CCNC: variants seen among roughly 807,000 people sequenced by gnomAD.
The protein encoded by CCNC is cyclin-C.
A neutral mutation model predicts 50.0 loss-of-function variants in CCNC; 19 were observed. The observed-to-expected ratio is 0.38, with a 90% confidence interval of 0.27 to 0.56. The LOEUF (loss-of-function observed/expected upper bound fraction) is 0.56. CCNC is among the 20% of genes least tolerant of loss of function. The probability of loss-of-function intolerance (pLI) is 0.72; values close to 1 mark genes in which losing one functional copy is unlikely to be tolerated. For synonymous variants in CCNC, 93 were observed against 103.7 expected, an observed-to-expected ratio of 0.90 and a Z score of 0.63; for missense variants, 200 against 327.1, an observed-to-expected ratio of 0.61 and a Z score of 3.00.
intron 11 of CCNC, chr6:99,544,159 A>G (rs1801982240): frequency 6.7e-7 from 1 of 1,501,240 alleles, no homozygotes; most frequent in Admixed American, 2.2e-5. Flanking sequence ...ATACTTAAAA[A>G]TAACTAAAAC....
intron 5 of CCNC, among the ~76,000 whole-genome samples, chr6:99,554,840 G>A (rs1583578569): frequency 6.6e-6 from 1 of 152,170 alleles, no homozygotes; most frequent in East Asian, 1.9e-4. Context: ...TGAGCTCATT[G>A]CTACTGGGAT....
chr6:99,549,377 C>G, intron 9 of CCNC, 131 bp downstream of exon 9: 1 of 705,258 alleles, frequency 1.4e-6, no homozygotes, highest in Non-Finnish European at 2.6e-6. Flanking sequence ...ATTGAAAGCT[C>G]ACATGCAAGG....
intron 5 of CCNC, among the ~76,000 whole-genome samples, chr6:99,554,654 T>C (rs777241867): frequency 2.0e-5 from 3 of 152,248 alleles, no homozygotes; most frequent in East Asian, 1.9e-4. Context: ...TCCTCATCAA[T>C]AGACGTTTTT....
intron 5 of CCNC, among the ~76,000 whole-genome samples, chr6:99,556,301 T>TA (rs1424845281): frequency 2.0e-5 from 3 of 152,238 alleles, no homozygotes; most frequent in Admixed American, 6.5e-5. Context: ...CTATCTTTAT[T>TA]AATTTGACTA....
intron 1 of CCNC, among the ~76,000 whole-genome samples, chr6:99,564,601 A>G (rs1769037358): frequency 6.6e-6 from 1 of 151,986 alleles, no homozygotes; most frequent in Non-Finnish European, 1.5e-5. Context: ...GTTAATTCTA[A>G]TATGACCATT....
chr6:99,562,496 T>C, intron 2 of CCNC: 1 of 170,536 alleles, frequency 5.9e-6, no homozygotes, highest in Non-Finnish European at 1.2e-5. Flanking sequence ...AAAGCAAAGT[T>C]CTAAGAGAAA....
intron 9 of CCNC, among the ~76,000 whole-genome samples, chr6:99,547,311 A>T (rs966544851): frequency 3.9e-5 from 6 of 152,190 alleles, no homozygotes; most frequent in Non-Finnish European, 8.8e-5. Context: ...AGGTTAAAAA[A>T]AACCAAATGA....
At chr6:99,558,605 CTA>C (rs950031452) in intron 4 of CCNC, 57 bp from the exon 5 acceptor site, 8 of 1,477,836 alleles carry the variant, frequency 5.4e-6, no homozygotes, top group Non-Finnish European at 7.3e-6. Flanking sequence ...TATCTGAACT[CTA>C]TTCAAAACAG....
chr6:99,546,457 A>G lies in CCNC; in HGVS notation c.616T>C (p.Cys206Arg), dbSNP rs1478905490. Residue 206 changes from cysteine (C) to arginine (R), a missense_variant, in exon 10 of 12, where the codon TGT becomes CGT. Cys to Arg is a radical substitution (Grantham distance 180, BLOSUM62 -3). Coordinates refer to ENST00000520429, the MANE Select transcript of CCNC (RefSeq NM_005190.4). The part of the protein sequence containing the change: ...MIALACLHVA[C>R]VVQQKDARQW... ...CTGGCATCTTTCTGCTGTACAACAC[A>G]GGCTACATGTAGGCAAGCTGAAATG... The G allele has an allele frequency of 1.2e-6, 2 of 1,612,460 alleles. No homozygotes were observed. The highest frequency in any genetic ancestry group is 1.7e-6 in the Non-Finnish European group (2 of 1,178,684).
chr6:99,568,404 G>T, intron 1 of CCNC, 92 bp downstream of exon 1: 1 of 1,290,834 alleles, frequency 7.7e-7, no homozygotes, highest in Non-Finnish European at 1.1e-6. Flanking sequence ...ACTCGGAACT[G>T]AGCTGGGATC....
At chr6:99,550,800 A>G in intron 7 of CCNC, 193 bp downstream of exon 7, 2 of 296,082 alleles carry the variant, frequency 6.8e-6, no homozygotes, top group Non-Finnish European at 1.3e-5. Context: ...CATCCTAAGT[A>G]GGATATACAA....
At position 99,551,838 on chromosome 6, in the gene CCNC, AC is replaced by A. The variant is rs779955958; in HGVS notation, c.402+1del. On this transcript the variant is annotated splice_donor_variant, in intron 6 of 11. Transcript: ENST00000520429. LOFTEE classifies it high-confidence loss of function. ...TTGTTCCATTTTATATCATATACTT[AC>A]ATGATTCATCCTATAAGGAAATTCC... is the stretch of plus-strand genomic sequence containing the variant. 7.0e-7 allele frequency: 1 copy of A among 1,423,190 alleles called. No individual in the cohort carries two copies. The highest frequency in any genetic ancestry group is 9.5e-7 in the Non-Finnish European group (1 of 1,056,782). 88.2% of individuals were successfully genotyped at this position (1,423,190 alleles called of 1,614,324 possible).
chr6:99,563,312 A>G (rs1768932643), intron 1 of CCNC, among the ~76,000 whole-genome samples: 1 of 152,158 alleles, frequency 6.6e-6, no homozygotes, highest in African/African-American at 2.4e-5. Flanking sequence ...ATTTGGCACC[A>G]ATTGATGGTG....
chr6:99,550,352 T>G (rs773254418), intron 7 of CCNC, 43 bp from the exon 8 acceptor site: 1 of 1,330,692 alleles, frequency 7.5e-7, no homozygotes, highest in Non-Finnish European at 1.1e-6. Flanking sequence ...AAAACAGATT[T>G]ATTACAACAC....
chr6:99,564,293 C>T (rs1395608018), intron 1 of CCNC, among the ~76,000 whole-genome samples: 2 of 151,896 alleles, frequency 1.3e-5, no homozygotes, highest in African/African-American at 2.4e-5. Flanking sequence ...GACGTGGTGG[C>T]GTGCGCCTGT....
intron 10 of CCNC, among the ~76,000 whole-genome samples, chr6:99,545,583 C>T (rs1002599561): frequency 2.0e-5 from 3 of 152,126 alleles, no homozygotes; most frequent in Non-Finnish European, 4.4e-5. Context: ...ACAACTTAAT[C>T]GGGGGTAGTG....
chr6:99,566,166 G>C (rs1769112595), intron 1 of CCNC, among the ~76,000 whole-genome samples: 1 of 151,800 alleles, frequency 6.6e-6, no homozygotes, highest in Admixed American at 6.6e-5. Flanking sequence ...TTTTTCCCCT[G>C]ATTTAACTAG....
upstream of CCNC, chr6:99,568,790 C>CTTTGGAGGTG: frequency 1.8e-6 from 2 of 1,116,688 alleles, no homozygotes; most frequent in Non-Finnish European, 2.4e-6. Context: ...AGGTGCTGAC[C>CTTTGGAGGTG]CTTGGAGGTG....
Position 99,552,659 on chromosome 6 carries a change from C to T in CCNC, c.347-764G>A, listed in dbSNP as rs1177347539. ...TCAAGCCATTATGACACATTTAATT[C>T]AACCAAGTAACTACTGACAGGTCCT... On this transcript the variant is annotated intron_variant, in intron 5 of 11. Transcript: ENST00000520429. 4.6e-5 allele frequency among the ~76,000 whole-genome samples: 7 copies of T among 152,246 alleles called. No individual in the cohort carries two copies. In the South Asian group the frequency reaches 1.0e-3, roughly 23 times the overall value.
Sources: gnomAD v4.1 joint callset for allele counts (sites outside exome capture counted in the v4.1 genomes callset) on GRCh38, gnomAD v4.1.1 for gene constraint, MANE v1.5 for transcripts, NCBI Gene and HGNC (gene_info 2026-07-23, HGNC 2026-07-21) for gene names.